The following KAZN variants were observed in gnomAD, a reference collection of about 807,000 sequenced individuals.
The protein encoded by KAZN is kazrin.
In KAZN, 40 loss-of-function variants were observed where a neutral mutation model predicts 87.4. The ratio of observed to expected loss-of-function variants is 0.46; its 90% CI spans 0.36 to 0.60. KAZN has a LOEUF of 0.60. Among genes scored for constraint, KAZN ranks in the 20% least tolerant of loss-of-function variants. The pLI is 0.00. For synonymous variants in KAZN, 466 were observed against 458.3 expected (o/e 1.02, Z -0.22); for missense variants, 898 against 1,073.9 (o/e 0.84, Z 2.29).
At chr1:14,507,625 C>T (rs1429061702) in intron 2 of KAZN, among the ~76,000 whole-genome samples, 3 of 152,104 alleles carry the variant, frequency 2.0e-5, no homozygotes, top group South Asian at 2.1e-4. Context: ...CTAGCAGAAT[C>T]AATATGAAGG....
chr1:13,932,734 T>C (rs1184727607), intron 1 of KAZN, among the ~76,000 whole-genome samples: 3 of 152,202 alleles, frequency 2.0e-5, no homozygotes, highest in Admixed American at 1.3e-4. Flanking sequence ...GGGCCGGAGC[T>C]CACAATCAAT....
At chr1:15,040,480 C>G (rs1319802907) in intron 3 of KAZN, among the ~76,000 whole-genome samples, 3 of 152,072 alleles carry the variant, frequency 2.0e-5, no homozygotes, top group Non-Finnish European at 4.4e-5. Flanking sequence ...AGAATGTGGC[C>G]GATGACCCAG....
At chr1:13,893,138 G>C (rs1638902263) in exon 1 of KAZN, 1 of 152,134 alleles carries the variant, frequency 6.6e-6, no homozygotes, top group Non-Finnish European at 1.5e-5. Context: ...TGCAGGCAGC[G>C]GGGCGGCGCC....
chr1:14,222,644 T>C (rs1647131145), intron 2 of KAZN, among the ~76,000 whole-genome samples: 1 of 152,204 alleles, frequency 6.6e-6, no homozygotes, highest in Non-Finnish European at 1.5e-5. Flanking sequence ...ATAGTCTCCA[T>C]ACCAAAAATT....
At chr1:13,960,406 A>G (rs561307574) in intron 1 of KAZN, among the ~76,000 whole-genome samples, 1 of 152,290 alleles carries the variant, frequency 6.6e-6, no homozygotes, top group African/African-American at 2.4e-5. Context: ...TTATAAGGAC[A>G]TACCTTAAGT....
chr1:14,127,612 A>G (rs1309779404), intron 1 of KAZN, among the ~76,000 whole-genome samples: 1 of 152,152 alleles, frequency 6.6e-6, no homozygotes, highest in Non-Finnish European at 1.5e-5. Flanking sequence ...TTCCCCCGTC[A>G]TCCTTGATAA....
intron 2 of KAZN, among the ~76,000 whole-genome samples, chr1:15,008,338 C>T (rs1436604707): frequency 6.6e-6 from 1 of 152,184 alleles, no homozygotes. Context: ...CTGGACTCTG[C>T]AGGTCTCAGG....
chr1:15,108,080 GAGA>G (rs1641357721), intron 13 of KAZN, among the ~76,000 whole-genome samples: 1 of 152,136 alleles, frequency 6.6e-6, no homozygotes, highest in Admixed American at 6.5e-5. Flanking sequence ...CATTTCAATG[GAGA>G]AGAACAATTC....
intron 1 of KAZN, among the ~76,000 whole-genome samples, chr1:13,944,032 A>G (rs971619905): frequency 6.6e-6 from 1 of 152,224 alleles, no homozygotes; most frequent in Non-Finnish European, 1.5e-5. Context: ...TATCTACCCA[A>G]GAGGAATGAA....
chr1:14,867,604 C>T (rs1192342971), intron 1 of KAZN, among the ~76,000 whole-genome samples: 1 of 152,136 alleles, frequency 6.6e-6, no homozygotes, highest in Non-Finnish European at 1.5e-5. Context: ...ACGTAGTTGT[C>T]CGTAGACTGA....
rs564901206 is a variant in KAZN, at chr1:15,037,577, C to CT, written c.555+2693dup. On this transcript the variant is annotated intron_variant, in intron 3 of 14. Transcript: ENST00000376030. ...AAGCAAGGGGGGTAGGGGCATATGC[C>CT]TGCTACCATTATTATTATCATTATC... Among the ~76,000 whole-genome samples, 22 of 141,406 alleles carry CT rather than the reference C, an allele frequency of 1.6e-4. 1 individual carries two copies. The South Asian group carries it at 4.3e-3, about 28-fold the overall frequency. The allele number at this position is 141,406 out of a possible 152,430, so 92.8% of individuals were successfully genotyped here. A position where few individuals can be genotyped will look rare whatever the true frequency, so the allele number is the denominator to read the frequency against.
At chr1:15,031,307 C>T (rs780070918) in intron 2 of KAZN, among the ~76,000 whole-genome samples, 2 of 152,218 alleles carry the variant, frequency 1.3e-5, no homozygotes, top group Non-Finnish European at 2.9e-5. Context: ...GCCTCCCTAA[C>T]CCCCACCACC....
intron 2 of KAZN, among the ~76,000 whole-genome samples, chr1:14,396,147 G>A (rs920493138): frequency 1.6e-5 from 2 of 127,540 alleles, no homozygotes; most frequent in Admixed American, 1.9e-4. Flanking sequence ...CAGCCTGAGC[G>A]ACAAGAGCAA....
intron 1 of KAZN, among the ~76,000 whole-genome samples, chr1:14,740,395 C>T (rs894496264): frequency 6.6e-6 from 1 of 152,188 alleles, no homozygotes; most frequent in Non-Finnish European, 1.5e-5. Flanking sequence ...CATGCACAAA[C>T]TATGATGCTT....
rs1001792729 is a variant in KAZN at position 14,851,268 on chromosome 1, G to C, written c.227-109416G>C. Reference sequence around the variant, plus strand: ...ACATTGAGCCTGGGCCTGCCCAGGGGACCACTGCCCAAGACGCCGGCTGAT... The same window carrying C: ...ACATTGAGCCTGGGCCTGCCCAGGGCACCACTGCCCAAGACGCCGGCTGAT... On this transcript the variant is annotated intron_variant, in intron 1 of 14. Coordinates refer to ENST00000376030, the MANE Select transcript of KAZN (RefSeq NM_201628.3). 3.9e-5 allele frequency among the ~76,000 whole-genome samples: 6 copies of C among 152,292 alleles called. No individual in the cohort carries two copies. In the East Asian group the frequency reaches 1.2e-3, roughly 30 times the overall value.
intron 1 of KAZN, among the ~76,000 whole-genome samples, chr1:14,100,879 C>A (rs1644234720): frequency 6.6e-6 from 1 of 152,152 alleles, no homozygotes; most frequent in South Asian, 2.1e-4. Flanking sequence ...CTTTCCCGTG[C>A]TGTTTTCATG....
intron 2 of KAZN, among the ~76,000 whole-genome samples, chr1:14,368,353 G>A (rs1250837672): frequency 6.6e-6 from 1 of 152,178 alleles, no homozygotes; most frequent in Non-Finnish European, 1.5e-5. Context: ...TCACTCAGAT[G>A]CAAGCAGCTG....
chr1:14,336,736 T>G (rs1657297763), intron 2 of KAZN, among the ~76,000 whole-genome samples: 1 of 152,264 alleles, frequency 6.6e-6, no homozygotes, highest in African/African-American at 2.4e-5. Flanking sequence ...ATGTGCTTTT[T>G]GCCCATTTGT....
At chr1:14,906,177 TATAATAATA>T (rs869163308) in intron 1 of KAZN, among the ~76,000 whole-genome samples, 29 of 33,498 alleles carry the variant, frequency 8.7e-4, no homozygotes, top group East Asian at 6.0e-3. Context: ...AAAAATATAT[TATAATAATA>T]ATAATAATAA....
Sources: allele counts gnomAD v4.1 joint callset (sites outside exome capture counted in the v4.1 genomes callset), GRCh38; gene constraint gnomAD v4.1.1; transcripts MANE v1.5; gene names NCBI Gene and HGNC (gene_info 2026-07-23, HGNC 2026-07-21).